Variants in NDUFAF2 observed in about 807,000 individuals in gnomAD.
NDUFAF2 encodes the protein NADH dehydrogenase [ubiquinone] 1 alpha subcomplex assembly factor 2.
Under a neutral mutation model 22.8 loss-of-function variants are expected in NDUFAF2, and 13 were observed. The ratio of observed to expected loss-of-function variants is 0.57; its 90% confidence interval spans 0.37 to 0.91. NDUFAF2 has a LOEUF of 0.91. Among genes scored for constraint, NDUFAF2 ranks in the 40% least tolerant of loss-of-function variants. NDUFAF2 has a pLI of 0.01. For synonymous variants in NDUFAF2, 53 were observed against 64.2 expected (o/e 0.83, Z 0.84); for missense variants, 162 against 195.2 (o/e 0.83, Z 1.01).
intron 1 of NDUFAF2, among the ~76,000 whole-genome samples, chr5:60,971,286 C>CTTTTTTTTTTTTTTT (rs70977817): frequency 6.9e-6 from 1 of 144,316 alleles, no homozygotes. Context: ...TTCTTTCTTT[C>CTTTTTTTTTTTTTTT]TTTTTTTTTT....
At chr5:61,083,974 T>C (rs1053962478) in intron 2 of NDUFAF2, among the ~76,000 whole-genome samples, 1 of 151,768 alleles carries the variant, frequency 6.6e-6, no homozygotes, top group African/African-American at 2.4e-5. Context: ...CTTGCCTTAC[T>C]GCACTGGCAA....
At chr5:60,976,801 G>T (rs1020038051) in intron 1 of NDUFAF2, among the ~76,000 whole-genome samples, 11 of 151,996 alleles carry the variant, frequency 7.2e-5, no homozygotes, top group African/African-American at 2.7e-4. Context: ...TTTTCATAAG[G>T]AACCTGATAC....
In NDUFAF2 at chr5:60,945,342, G is replaced by T; in HGVS notation, c.87G>T (p.Gly29=). 6.2e-7 allele frequency: 1 copy of T among 1,614,192 alleles called. No homozygotes were observed. The highest frequency in any genetic ancestry group is 1.1e-5 in the South Asian group (1 of 91,076). ...VKEHVGTDQF[G]NKYYYIPQYK... is the part of the protein sequence containing the mutation. The stretch of plus-strand genomic sequence containing the variant: ...AGCACGTGGGCACGGACCAATTCGG[G>T]AACAAATACTACTACATCCCGCAGT... Residue 29 remains glycine, a synonymous_variant, in exon 1 of 4, where the codon GGG becomes GGT. Coordinates refer to ENST00000296597, the MANE Select transcript of NDUFAF2 (RefSeq NM_174889.5).
intron 2 of NDUFAF2, among the ~76,000 whole-genome samples, chr5:61,098,577 A>G (rs1235567216): frequency 1.3e-5 from 2 of 152,252 alleles, no homozygotes; most frequent in Non-Finnish European, 1.5e-5. Flanking sequence ...CCCTTCCTTT[A>G]TAAATTGAAC....
At chr5:61,015,495 T>C (rs1751496339) in intron 1 of NDUFAF2, among the ~76,000 whole-genome samples, 1 of 152,144 alleles carries the variant, frequency 6.6e-6, no homozygotes, top group African/African-American at 2.4e-5. Context: ...TTGGCCAGGC[T>C]GGTCTTGAAC....
At chr5:61,003,485 A>G (rs1751325362) in intron 1 of NDUFAF2, among the ~76,000 whole-genome samples, 1 of 152,020 alleles carries the variant, frequency 6.6e-6, no homozygotes, top group African/African-American at 2.4e-5. Flanking sequence ...TCCATCAAAT[A>G]AAGGGTTATA....
chr5:61,004,441 A>G (rs1751339328), intron 1 of NDUFAF2, among the ~76,000 whole-genome samples: 1 of 152,134 alleles, frequency 6.6e-6, no homozygotes, highest in African/African-American at 2.4e-5. Flanking sequence ...GGAGTATTTC[A>G]AAAGCTTTAA....
At chr5:61,030,009 G>A (rs965253121) in intron 1 of NDUFAF2, among the ~76,000 whole-genome samples, 7 of 152,002 alleles carry the variant, frequency 4.6e-5, no homozygotes, top group East Asian at 1.9e-4. Flanking sequence ...CTGTATTAGC[G>A]CCTGGACACC....
intron 1 of NDUFAF2, among the ~76,000 whole-genome samples, chr5:61,072,007 G>T (rs188736002): frequency 6.6e-6 from 1 of 152,084 alleles, no homozygotes; most frequent in Non-Finnish European, 1.5e-5. Context: ...TAAGCATTAG[G>T]CATTCTCATT....
intron 3 of NDUFAF2, among the ~76,000 whole-genome samples, chr5:61,127,314 C>T (rs1316697055): frequency 1.3e-5 from 2 of 152,020 alleles, no homozygotes; most frequent in African/African-American, 2.4e-5. Context: ...GATACCAAAG[C>T]CGGACAGAGA....
chr5:60,981,311 C>T (rs1347280174), intron 1 of NDUFAF2, among the ~76,000 whole-genome samples: 11 of 152,090 alleles, frequency 7.2e-5, no homozygotes, highest in Non-Finnish European at 1.6e-4. Flanking sequence ...AGAAAAAATA[C>T]ATATATTAGA....
At chr5:61,075,745 G>A (rs895910641) in intron 2 of NDUFAF2, among the ~76,000 whole-genome samples, 1 of 152,082 alleles carries the variant, frequency 6.6e-6, no homozygotes, top group Non-Finnish European at 1.5e-5. Context: ...TATTTTTATG[G>A]TGGTACACAT....
chr5:61,137,384 G>A (rs1740980997), intron 3 of NDUFAF2, among the ~76,000 whole-genome samples: 1 of 152,114 alleles, frequency 6.6e-6, no homozygotes, highest in African/African-American at 2.4e-5. Context: ...CTGGCCCTTG[G>A]AGTTTATATT....
In NDUFAF2 at chr5:60,966,358, G is replaced by A. The variant is rs147275839; in HGVS notation, c.127+20976G>A. Among the ~76,000 whole-genome samples the A allele has an allele frequency of 3.4e-3, 522 of 152,198 alleles. 4 individuals carry two copies. The highest frequency in any genetic ancestry group is 0.012 in the African/African-American group (506 of 41,532). Reference sequence around the variant, plus strand: ...CTGTTGATTATTTTGTTGTGCAGAAGCTTTTTAATTAGAGGTAATCCCACT... The same window carrying A: ...CTGTTGATTATTTTGTTGTGCAGAAACTTTTTAATTAGAGGTAATCCCACT... On this transcript the variant is annotated intron_variant, in intron 1 of 3. Coordinates refer to ENST00000296597, the MANE Select transcript of NDUFAF2 (RefSeq NM_174889.5).
intron 1 of NDUFAF2, among the ~76,000 whole-genome samples, chr5:60,984,060 T>A (rs1453149927): frequency 6.6e-6 from 1 of 152,222 alleles, no homozygotes; most frequent in Non-Finnish European, 1.5e-5. Context: ...TTTGTTTGTA[T>A]CCTCTTTTAT....
chr5:60,948,572 T>C (rs1750497584), intron 1 of NDUFAF2, among the ~76,000 whole-genome samples: 1 of 151,996 alleles, frequency 6.6e-6, no homozygotes. Context: ...TTTTGTTTTT[T>C]AGGTTCTTCA....
chr5:61,120,061 C>T (rs1248639936), intron 3 of NDUFAF2, among the ~76,000 whole-genome samples: 1 of 152,090 alleles, frequency 6.6e-6, no homozygotes, highest in Non-Finnish European at 1.5e-5. Flanking sequence ...AAAACTTACT[C>T]TTTTGTATTC....
At chr5:60,992,352 T>C (rs1751171823) in intron 1 of NDUFAF2, among the ~76,000 whole-genome samples, 1 of 152,226 alleles carries the variant, frequency 6.6e-6, no homozygotes, top group Non-Finnish European at 1.5e-5. Context: ...GCTTGTGGGG[T>C]ATTACTCAAG....
intron 1 of NDUFAF2, among the ~76,000 whole-genome samples, chr5:61,070,774 G>C (rs1275988728): frequency 6.6e-6 from 1 of 152,026 alleles, no homozygotes; most frequent in East Asian, 1.9e-4. Flanking sequence ...ATTTAGTAGT[G>C]CTACTGAGAA....
Sources: gnomAD v4.1 joint callset for allele counts (sites outside exome capture counted in the v4.1 genomes callset) on GRCh38, gnomAD v4.1.1 for gene constraint, MANE v1.5 for transcripts, NCBI Gene and HGNC (gene_info 2026-07-23, HGNC 2026-07-21) for gene names.